The following GTF2F2 variants were observed in gnomAD, a reference collection of about 807,000 sequenced individuals.
The protein encoded by GTF2F2 is general transcription factor IIF subunit 2.
A neutral mutation model predicts 42.2 loss-of-function variants in GTF2F2; 23 were observed. That is an observed-to-expected ratio of 0.55 (90% CI 0.39 to 0.77). The LOEUF (loss-of-function observed/expected upper bound fraction) is 0.77, where lower values mean the gene tolerates loss of function less well. Among genes scored for constraint, GTF2F2 ranks in the 30% least tolerant of loss-of-function variants. The pLI, the probability that GTF2F2 is intolerant of heterozygous loss-of-function variation, is 0.00. For synonymous variants in GTF2F2, 105 were observed against 100.8 expected (o/e 1.04, Z -0.25); for missense variants, 261 against 287.2 (o/e 0.91, Z 0.66).
chr13:45,281,610 CCCA>C (rs1566161422), intron 7 of GTF2F2, among the ~76,000 whole-genome samples: 4 of 152,138 alleles, frequency 2.6e-5, no homozygotes, highest in African/African-American at 9.7e-5. Context: ...CTGGGCCTAG[CCCA>C]AGAGACTTTG....
chr13:45,169,771 A>G (rs927778098), intron 4 of GTF2F2, among the ~76,000 whole-genome samples: 3 of 152,194 alleles, frequency 2.0e-5, no homozygotes, highest in Non-Finnish European at 4.4e-5. Flanking sequence ...TTGATTTTTG[A>G]ATCCATGGAT....
At chr13:45,212,549 T>G (rs1873730050) in intron 5 of GTF2F2, among the ~76,000 whole-genome samples, 1 of 149,926 alleles carries the variant, frequency 6.7e-6, no homozygotes, top group Non-Finnish European at 1.5e-5. Flanking sequence ...TTTCTCTCTC[T>G]CTCTTTCTCT....
chr13:45,237,333 C>T (rs1175793921), intron 5 of GTF2F2, among the ~76,000 whole-genome samples: 1 of 152,036 alleles, frequency 6.6e-6, no homozygotes, highest in East Asian at 1.9e-4. Flanking sequence ...AGCTAAATAT[C>T]CCCTATCAGA....
intron 5 of GTF2F2, among the ~76,000 whole-genome samples, chr13:45,245,666 A>AAAATAT (rs1491331653): frequency 6.3e-5 from 7 of 110,846 alleles, no homozygotes; most frequent in Non-Finnish European, 1.1e-4. Flanking sequence ...CCATGGTGTG[A>AAAATAT]ATATATATAT....
intron 5 of GTF2F2, among the ~76,000 whole-genome samples, chr13:45,208,312 T>C (rs1465230674): frequency 9.2e-5 from 14 of 152,214 alleles, no homozygotes; most frequent in Admixed American, 9.2e-4. Flanking sequence ...AAATGCTGAT[T>C]GTAAATTCTT....
intron 2 of GTF2F2, among the ~76,000 whole-genome samples, chr13:45,140,779 G>A (rs1282763667): frequency 6.6e-6 from 1 of 152,134 alleles, no homozygotes; most frequent in Non-Finnish European, 1.5e-5. Context: ...TTACTGAAAT[G>A]GGAGCCACAA....
chr13:45,199,899 G>A (rs1224531274), intron 4 of GTF2F2, among the ~76,000 whole-genome samples: 1 of 152,208 alleles, frequency 6.6e-6, no homozygotes, highest in African/African-American at 2.4e-5. Flanking sequence ...GTGGAGAAGA[G>A]AGAAGAGGAT....
At chr13:45,216,537 G>A (rs1235903590) in intron 5 of GTF2F2, among the ~76,000 whole-genome samples, 1 of 151,932 alleles carries the variant, frequency 6.6e-6, no homozygotes, top group South Asian at 2.1e-4. Context: ...TTGTTTTTGA[G>A]ATAGAGTCTT....
In GTF2F2 at chr13:45,267,114, A is replaced by G. The variant is rs539922357; in HGVS notation, c.487-119A>G. 19 of 736,766 alleles carry G rather than the reference A, an allele frequency of 2.6e-5. No individual in the cohort carries two copies. The Admixed American group carries it at 4.7e-4, about 18-fold the overall frequency. The allele number at this position is 736,766 out of a possible 1,614,324, so 45.6% of individuals were successfully genotyped here. ...CAGTGAGCTGAGATCATGCCACTGC[A>G]CTCCAGCCTGGGCAACAAGAGCAAA... is the stretch of plus-strand genomic sequence containing the variant. On this transcript the variant is annotated intron_variant, in intron 6 of 7. Transcript: ENST00000340473.
chr13:45,188,648 A>T (rs769755136), intron 4 of GTF2F2, among the ~76,000 whole-genome samples: 1 of 152,202 alleles, frequency 6.6e-6, no homozygotes, highest in Non-Finnish European at 1.5e-5. Flanking sequence ...TACTGTGAGG[A>T]TGTTGAAATT....
At chr13:45,142,201 C>T (rs1869959388) in intron 2 of GTF2F2, among the ~76,000 whole-genome samples, 1 of 152,216 alleles carries the variant, frequency 6.6e-6, no homozygotes, top group Non-Finnish European at 1.5e-5. Context: ...GAGTCTGGCT[C>T]TGTTGCCCAG....
intron 5 of GTF2F2, among the ~76,000 whole-genome samples, chr13:45,236,846 C>G (rs543193712): frequency 3.2e-4 from 48 of 152,272 alleles, no homozygotes; most frequent in African/African-American, 1.2e-3. Flanking sequence ...GAAAGTGACC[C>G]TGTCTCCTGT....
intron 5 of GTF2F2, among the ~76,000 whole-genome samples, chr13:45,222,467 G>T (rs1566140094): frequency 6.6e-6 from 1 of 152,082 alleles, no homozygotes; most frequent in African/African-American, 2.4e-5. Context: ...AATGAAAGAA[G>T]CCCCCTTCTC....
chr13:45,278,934 C>G (rs1877147117), intron 7 of GTF2F2, among the ~76,000 whole-genome samples: 1 of 146,148 alleles, frequency 6.8e-6, no homozygotes, highest in Non-Finnish European at 1.5e-5. Context: ...AGTGATTATC[C>G]TGCCTCAGCC....
Position 45,271,014 on chromosome 13 carries a change from C to T in GTF2F2, c.630+3638C>T, listed in dbSNP as rs530719918. Among the ~76,000 whole-genome samples the T allele has an allele frequency of 2.3e-4, 35 of 152,248 alleles. 1 individual carries two copies. The highest frequency in any genetic ancestry group is 7.0e-4 in the African/African-American group (29 of 41,568). ...CATTGAAAACTAGTCCCTGATTGGC[C>T]GGGCGCGGTGGCTCATGCCTGTAAT... On this transcript the variant is annotated intron_variant, in intron 7 of 7. Transcript: ENST00000340473.
rs551805769 is a variant in GTF2F2, at chr13:45,151,978, C to T, written c.304+147C>T. The stretch of plus-strand genomic sequence containing the variant: ...TTGCCCAGGCTGAAGTCCAATGGCA[C>T]GATCTTGGCTCACTGCAACCTCCAT... On this transcript the variant is annotated intron_variant, in intron 4 of 7. Coordinates refer to ENST00000340473, the MANE Select transcript of GTF2F2 (RefSeq NM_004128.3). 9.0e-5 allele frequency: 44 copies of T among 488,246 alleles called. 1 individual carries two copies. The highest frequency in any genetic ancestry group is 6.6e-4 in the African/African-American group (31 of 46,780). The allele number at this position is 488,246 out of a possible 1,614,324, so 30.2% of individuals were successfully genotyped here. A position where few individuals can be genotyped will look rare whatever the true frequency, so the allele number is the denominator to read the frequency against.
At chr13:45,213,018 A>T (rs913149827) in intron 5 of GTF2F2, among the ~76,000 whole-genome samples, 4 of 152,104 alleles carry the variant, frequency 2.6e-5, no homozygotes, top group Non-Finnish European at 1.5e-5. Flanking sequence ...CTGGGGTTAC[A>T]GGCGTGAGCC....
intron 4 of GTF2F2, among the ~76,000 whole-genome samples, chr13:45,162,156 A>G (rs1479672343): frequency 6.6e-6 from 1 of 152,212 alleles, no homozygotes; most frequent in African/African-American, 2.4e-5. Context: ...AATATATGTT[A>G]AAACAGTCTC....
At chr13:45,229,092 AGGCTGGTCTT>A (rs1261310094) in intron 5 of GTF2F2, among the ~76,000 whole-genome samples, 2 of 152,160 alleles carry the variant, frequency 1.3e-5, no homozygotes, top group African/African-American at 4.8e-5. Context: ...CATGTTGGCC[AGGCTGGTCTT>A]GAACTCCTGA....
Sources: allele counts gnomAD v4.1 joint callset (sites outside exome capture counted in the v4.1 genomes callset), GRCh38; gene constraint gnomAD v4.1.1; transcripts MANE v1.5; gene names NCBI Gene and HGNC (gene_info 2026-07-23, HGNC 2026-07-21).